Variants in SETX observed in about 807,000 individuals in gnomAD.
The protein encoded by SETX is helicase senataxin.
A neutral mutation model predicts 227.2 loss-of-function variants in SETX; 90 were observed. That is an observed-to-expected ratio of 0.40 (90% CI 0.33 to 0.47). The LOEUF is 0.47. Among genes scored for constraint, SETX ranks in the 20% least tolerant of loss-of-function variants. The pLI is 0.91. For synonymous variants in SETX, 1,210 were observed against 1,113.2 expected (o/e 1.09, Z -1.73); for missense variants, 3,052 against 3,181.5 (o/e 0.96, Z 0.98).
At chr9:132,336,554 A>T (rs753137032) in intron 5 of SETX, 39 bp from the exon 6 acceptor site, 2 of 1,392,608 alleles carry the variant, frequency 1.4e-6, no homozygotes, top group South Asian at 1.2e-5. Flanking sequence ...TTCAATAAAC[A>T]ATGGTCTACA....
intron 10 of SETX, among the ~76,000 whole-genome samples, chr9:132,319,895 C>T (rs1564528324): frequency 6.6e-6 from 1 of 152,048 alleles, no homozygotes; most frequent in Admixed American, 6.5e-5. Flanking sequence ...TGCCTGCCTG[C>T]TCCCTGTCCA....
rs537804757 is a variant in SETX, at chr9:132,343,048, G to A, written c.389-249C>T. On this transcript the variant is annotated intron_variant, in intron 4 of 25. Transcript: ENST00000224140. ...AATAGATCCCTTTTTTGCCGGGCGC[G>A]GTGGCTCACACCTGTAATCCCAGCA... 1.3e-3 allele frequency among the ~76,000 whole-genome samples: 195 copies of A among 152,022 alleles called. 1 individual carries two copies. The highest frequency in any genetic ancestry group is 4.5e-3 in the African/African-American group (188 of 41,492).
chr9:132,319,932 G>A (rs1846216601), intron 10 of SETX, among the ~76,000 whole-genome samples: 1 of 152,110 alleles, frequency 6.6e-6, no homozygotes, highest in African/African-American at 2.4e-5. Context: ...CTCTACACAG[G>A]AGAGGCAACA....
In SETX at chr9:132,331,174, C is replaced by T. The variant is rs1199060000; in HGVS notation, c.1011-35G>A. On this transcript the variant is annotated intron_variant, in intron 8 of 25. Coordinates refer to ENST00000224140, the MANE Select transcript of SETX (RefSeq NM_015046.7). ...TAAGAATAAATAGAAATTACTGAAACGAAGGGGGAAAAAAAGGAAGAAACA... is the reference window on the plus strand; with the variant it reads ...TAAGAATAAATAGAAATTACTGAAATGAAGGGGGAAAAAAAGGAAGAAACA... The T allele has an allele frequency of 6.2e-6, 10 of 1,607,414 alleles. No individual in the cohort carries two copies. In the East Asian group the frequency reaches 6.7e-5, roughly 11 times the overall value.
rs538535849 is a variant in SETX at position 132,297,015 on chromosome 9, C to T, written c.5821G>A (p.Ala1941Thr). 16 of 1,613,850 alleles carry T rather than the reference C, an allele frequency of 9.9e-6. No individual in the cohort carries two copies. In the South Asian group the frequency reaches 1.2e-4, roughly 12 times the overall value. Reference sequence around the variant, plus strand: ...ACCATAGCATATGCAGTTTCTATTGCTTTCTTTTGATCTTCATTGAAATCT... The same window carrying T: ...ACCATAGCATATGCAGTTTCTATTGTTTTCTTTTGATCTTCATTGAAATCT... ...LRDFNEDQKKAIETAYAMVKH... is the reference protein window; with the variant it reads ...LRDFNEDQKKTIETAYAMVKH... The change falls in exon 14 of 26, where the codon GCA becomes ACA. Residue 1941 changes from alanine to threonine, a missense_variant. By Grantham distance (58) the Ala-to-Thr change is moderately conservative. Transcript: ENST00000224140.
chr9:132,326,290 T>C, intron 10 of SETX, 34 bp downstream of exon 10: 2 of 1,487,528 alleles, frequency 1.3e-6, no homozygotes, highest in Non-Finnish European at 1.9e-6. Context: ...ACTTGAAAAG[T>C]TTGGAGAGGC....
At chr9:132,310,050 A>G (rs1259266078) in intron 11 of SETX, among the ~76,000 whole-genome samples, 1 of 152,222 alleles carries the variant, frequency 6.6e-6, no homozygotes, top group Non-Finnish European at 1.5e-5. Flanking sequence ...TTCTACCCAG[A>G]TTATATAAAG....
At position 132,311,865 on chromosome 9, in the gene SETX, A is replaced by C; in HGVS notation, c.5275-9T>G. 6.3e-7 allele frequency: 1 copy of C among 1,591,526 alleles called. No individual in the cohort carries two copies. The highest frequency in any genetic ancestry group is 8.6e-7 in the Non-Finnish European group (1 of 1,160,314). The stretch of plus-strand genomic sequence containing the variant: ...AGCCATTCTTGTGCCACCTATACAA[A>C]GCACAAAAGCAAATTAAGAAAGCAA... On this transcript the variant is annotated splice_polypyrimidine_tract_variant and intron_variant, in intron 10 of 25. Transcript: ENST00000224140.
intron 13 of SETX, 77 bp from the exon 14 acceptor site, chr9:132,297,131 C>T: frequency 1.5e-6 from 2 of 1,298,740 alleles, no homozygotes; most frequent in South Asian, 1.3e-5. Context: ...TGAAAAAGAC[C>T]TGTCCAAATT....
chr9:132,288,195 G>C, intron 17 of SETX, 41 bp downstream of exon 17: 1 of 1,530,392 alleles, frequency 6.5e-7, no homozygotes, highest in Non-Finnish European at 9.0e-7. Flanking sequence ...TTGTTAACTA[G>C]TTCGTATACC....
intron 11 of SETX, among the ~76,000 whole-genome samples, chr9:132,303,751 C>G (rs1845163997): frequency 6.6e-6 from 1 of 152,086 alleles, no homozygotes; most frequent in Non-Finnish European, 1.5e-5. Context: ...AAAAGATGCT[C>G]AACATTGTTA....
chr9:132,268,621 A>C (rs1172532308), intron 25 of SETX, among the ~76,000 whole-genome samples: 2 of 152,232 alleles, frequency 1.3e-5, no homozygotes, highest in Non-Finnish European at 2.9e-5. Flanking sequence ...ATGGAAGTAC[A>C]ATTTCAAAGA....
At chr9:132,298,569 G>A (rs1378281489) in intron 12 of SETX, among the ~76,000 whole-genome samples, 2 of 152,132 alleles carry the variant, frequency 1.3e-5, no homozygotes, top group Non-Finnish European at 2.9e-5. Flanking sequence ...GCACACAAAG[G>A]GAGGAAGTGA....
At chr9:132,318,888 G>C (rs1315559658) in intron 10 of SETX, among the ~76,000 whole-genome samples, 1 of 152,092 alleles carries the variant, frequency 6.6e-6, no homozygotes, top group Non-Finnish European at 1.5e-5. Context: ...CCATCTATAG[G>C]AATTCTAGTC....
chr9:132,335,187 G>C (rs371927985), intron 6 of SETX, among the ~76,000 whole-genome samples: 16 of 151,496 alleles, frequency 1.1e-4, no homozygotes, highest in Middle Eastern at 3.2e-3. Flanking sequence ...TCAGGAGATC[G>C]AGACCATCCT....
rs558493470 is a variant in SETX, at chr9:132,346,538, G to A, written c.178-67C>T. The A allele has an allele frequency of 2.9e-5, 33 of 1,118,972 alleles. No homozygotes were observed. In the East Asian group the frequency reaches 4.0e-4, roughly 14 times the overall value. The allele number at this position is 1,118,972 out of a possible 1,614,324, so 69.3% of individuals were successfully genotyped here. On this transcript the variant is annotated intron_variant, in intron 3 of 25. Transcript: ENST00000224140. ...ATCAACAAAATACACTGAATGTGACGACCTAGAAAGCCTTTTCCTAAGTAC... is the reference window on the plus strand; with the variant it reads ...ATCAACAAAATACACTGAATGTGACAACCTAGAAAGCCTTTTCCTAAGTAC...
chr9:132,329,712 T>G lies in SETX; in HGVS notation c.1886A>C (p.Lys629Thr), dbSNP rs768673354. The G allele has an allele frequency of 1.2e-6, 2 of 1,614,036 alleles. No individual in the cohort carries two copies. The highest frequency in any genetic ancestry group is 1.1e-5 in the South Asian group (1 of 91,078). Residue 629 changes from lysine (K) to threonine (T), a missense_variant, in exon 10 of 26, where the codon AAG becomes ACG. Physicochemically the swap from Lys to Thr is moderately conservative, Grantham distance 78 (BLOSUM62 -1). Around this residue, in one of 10 missense-constraint regions of SETX, gnomAD observed 1,483 missense variants for 1,312.0 expected, o/e 1.13. Transcript: ENST00000224140. The part of the protein sequence containing the change: ...YNKEESEQMG[K>T]TSRKDMHCLE... ...ACAATGCATATCTTTTCTAGACGTC[T>G]TCCCCATTTGTTCACTTTCTTCTTT...
At chr9:132,356,124 TG>T (rs1848901603), upstream of SETX, among the ~76,000 whole-genome samples, 1 of 151,996 alleles carries the variant, frequency 6.6e-6, no homozygotes, top group Non-Finnish European at 1.5e-5. Flanking sequence ...CACTCCAGGC[TG>T]GGGAACAAAG....
At chr9:132,317,604 G>A (rs1282242769) in intron 10 of SETX, among the ~76,000 whole-genome samples, 2 of 151,108 alleles carry the variant, frequency 1.3e-5, no homozygotes, top group African/African-American at 4.9e-5. Flanking sequence ...GCTTTCTTTG[G>A]TTCATGTTTG....
Sources: gnomAD v4.1 joint callset for allele counts (sites outside exome capture counted in the v4.1 genomes callset) on GRCh38, gnomAD v4.1.1 for gene constraint, gnomAD v4.1.1 regional missense constraint, MANE v1.5 for transcripts, NCBI Gene and HGNC (gene_info 2026-07-23, HGNC 2026-07-21) for gene names.